Variants in SGCZ observed in about 807,000 individuals in gnomAD.
SGCZ encodes the protein sarcoglycan zeta.
A neutral mutation model predicts 41.3 loss-of-function variants in SGCZ; 40 were observed. The ratio of observed to expected loss-of-function variants is 0.97; its 90% confidence interval spans 0.75 to 1.26. The LOEUF is 1.26. Among genes scored for constraint, SGCZ ranks in the 50% most tolerant of loss-of-function variants. SGCZ has a pLI of 0.00. For missense variants in SGCZ, 552 were observed against 369.8 expected (o/e 1.49, Z -4.04); for synonymous variants, 206 against 137.5 (o/e 1.50, Z -3.49).
intron 1 of SGCZ, among the ~76,000 whole-genome samples, chr8:15,126,002 C>T (rs370479386): frequency 2.0e-5 from 3 of 152,084 alleles, no homozygotes; most frequent in South Asian, 2.1e-4. Context: ...AAAAATTAGC[C>T]GGGCGTGCTA....
chr8:14,391,613 A>G (rs1804778426), intron 2 of SGCZ, among the ~76,000 whole-genome samples: 1 of 152,160 alleles, frequency 6.6e-6, no homozygotes, highest in African/African-American at 2.4e-5. Context: ...CCAGTATTGC[A>G]TAGATGGGTA....
At chr8:14,260,302 T>G (rs1208697749) in intron 3 of SGCZ, among the ~76,000 whole-genome samples, 3 of 151,454 alleles carry the variant, frequency 2.0e-5, no homozygotes, top group Non-Finnish European at 4.4e-5. Flanking sequence ...GAACAGACAC[T>G]TCTCAAAAGA....
Position 14,702,786 on chromosome 8 carries a change from C to T in SGCZ, c.40-147860G>A, listed in dbSNP as rs60339704. 4.4e-4 allele frequency among the ~76,000 whole-genome samples: 63 copies of T among 142,056 alleles called. 1 individual carries two copies. Among genetic ancestry groups the T allele is most frequent in the South Asian group, 2.5e-3 (11 of 4,404 alleles). The allele number at this position is 142,056 out of a possible 152,430, so 93.2% of individuals were successfully genotyped here. A position where few individuals can be genotyped will look rare whatever the true frequency, so the allele number is the denominator to read the frequency against. On this transcript the variant is annotated intron_variant, in intron 1 of 7. Coordinates refer to ENST00000382080, the MANE Select transcript of SGCZ (RefSeq NM_139167.4). ...ATAGATAGATAGATAGATAGACAGA[C>T]AGACAGGCAGACAGGTAGGTAGTTA...
chr8:14,315,220 T>G (rs73666523), intron 3 of SGCZ, among the ~76,000 whole-genome samples: 1,908 of 152,240 alleles, frequency 0.013, 42 homozygotes, highest in African/African-American at 0.038. Context: ...ATGACCTACA[T>G]TGTCCACCTG....
chr8:14,993,395 T>C (rs147890035), intron 1 of SGCZ, among the ~76,000 whole-genome samples: 2 of 152,104 alleles, frequency 1.3e-5, no homozygotes, highest in Non-Finnish European at 2.9e-5. Flanking sequence ...AAATAAGAGA[T>C]GAAAATCTCT....
rs190664782 is a variant in SGCZ at position 15,191,994 on chromosome 8, G to C, written c.39+45591C>G. ...TCTCACCTGTAAAAATTGCATAAAA[G>C]TAGTACCTACATCAAGGGAATGTGG... On this transcript the variant is annotated intron_variant, in intron 1 of 7. Coordinates refer to ENST00000382080, the MANE Select transcript of SGCZ (RefSeq NM_139167.4). 2.6e-3 allele frequency among the ~76,000 whole-genome samples: 403 copies of C among 152,142 alleles called. 5 individuals carry two copies. Among genetic ancestry groups the C allele is most frequent in the African/African-American group, 9.3e-3 (386 of 41,454 alleles).
chr8:14,380,269 G>T (rs1432446098), intron 2 of SGCZ, among the ~76,000 whole-genome samples: 3 of 152,028 alleles, frequency 2.0e-5, no homozygotes, highest in Non-Finnish European at 4.4e-5. Flanking sequence ...CACATCCATT[G>T]ATGTTTTCCT....
chr8:14,222,423 C>T (rs1432002858), intron 4 of SGCZ, among the ~76,000 whole-genome samples: 1 of 152,074 alleles, frequency 6.6e-6, no homozygotes, highest in Non-Finnish European at 1.5e-5. Flanking sequence ...CCACCTCCGC[C>T]TCCCAAAGTG....
intron 1 of SGCZ, among the ~76,000 whole-genome samples, chr8:14,824,416 C>A (rs978979684): frequency 1.3e-5 from 2 of 152,036 alleles, no homozygotes; most frequent in African/African-American, 4.8e-5. Flanking sequence ...TAAAAATTTT[C>A]ATGTCTACTC....
intron 1 of SGCZ, among the ~76,000 whole-genome samples, chr8:15,137,767 G>A (rs1041939285): frequency 3.5e-4 from 54 of 152,350 alleles, no homozygotes; most frequent in African/African-American, 1.3e-3. Context: ...GAATGTCCAG[G>A]CAGAAGTTTG....
chr8:14,983,975 T>A (rs1801751934), intron 1 of SGCZ, among the ~76,000 whole-genome samples: 1 of 152,210 alleles, frequency 6.6e-6, no homozygotes, highest in Admixed American at 6.5e-5. Flanking sequence ...AATTTAGACT[T>A]ATACCCAATC....
intron 2 of SGCZ, among the ~76,000 whole-genome samples, chr8:14,417,415 T>C (rs1055005095): frequency 6.6e-6 from 1 of 151,884 alleles, no homozygotes; most frequent in Non-Finnish European, 1.5e-5. Flanking sequence ...TGATTACACC[T>C]AAGATTATTT....
chr8:14,246,008 A>G (rs1799073881), intron 3 of SGCZ, among the ~76,000 whole-genome samples: 1 of 152,156 alleles, frequency 6.6e-6, no homozygotes. Flanking sequence ...GGGACTGTAA[A>G]CTAGTTCAAC....
intron 5 of SGCZ, among the ~76,000 whole-genome samples, chr8:14,144,771 G>A (rs1337016624): frequency 2.0e-5 from 3 of 152,090 alleles, no homozygotes; most frequent in African/African-American, 7.2e-5. Flanking sequence ...ATGAATCCTA[G>A]GCCATCCAGC....
At chr8:14,622,085 A>C (rs1806304831) in intron 1 of SGCZ, among the ~76,000 whole-genome samples, 1 of 152,278 alleles carries the variant, frequency 6.6e-6, no homozygotes, top group East Asian at 1.9e-4. Flanking sequence ...ATAAGTTTGT[A>C]TAGGTAGAAA....
chr8:14,949,083 C>T (rs139762722), intron 1 of SGCZ, among the ~76,000 whole-genome samples: 11 of 152,106 alleles, frequency 7.2e-5, no homozygotes, highest in African/African-American at 2.2e-4. Flanking sequence ...AAACTTACAC[C>T]GCCCAGAATT....
At chr8:14,815,382 A>ATT (rs368066882) in intron 1 of SGCZ, among the ~76,000 whole-genome samples, 1,941 of 147,772 alleles carry the variant, frequency 0.013, 13 homozygotes, top group Non-Finnish European at 0.016. Flanking sequence ...AACTTGTATG[A>ATT]TTTTTTTTTT....
chr8:14,800,773 A>G (rs1028646369), intron 1 of SGCZ, among the ~76,000 whole-genome samples: 1 of 152,202 alleles, frequency 6.6e-6, no homozygotes, highest in Admixed American at 6.5e-5. Flanking sequence ...TTTATAAATT[A>G]CCCAGTGTCT....
intron 2 of SGCZ, among the ~76,000 whole-genome samples, chr8:14,526,937 T>A (rs1563387201): frequency 6.6e-6 from 1 of 152,128 alleles, no homozygotes; most frequent in East Asian, 1.9e-4. Flanking sequence ...TAACTAGTTA[T>A]CTACTGGGCA....
Sources: allele counts gnomAD v4.1 joint callset (sites outside exome capture counted in the v4.1 genomes callset), GRCh38; gene constraint gnomAD v4.1.1; transcripts MANE v1.5; gene names NCBI Gene and HGNC (gene_info 2026-07-23, HGNC 2026-07-21).